Variants in TNRC6A observed in about 807,000 individuals in gnomAD.
The protein encoded by TNRC6A is trinucleotide repeat containing adaptor 6A, also known as trinucleotide repeat-containing gene 6A protein.
A neutral mutation model predicts 221.2 loss-of-function variants in TNRC6A; 44 were observed. That is an observed-to-expected ratio of 0.20 (90% CI 0.16 to 0.26). The LOEUF is 0.26. Ranked by LOEUF, TNRC6A falls within the 10% of genes least tolerant of loss-of-function variation. The pLI is 1.00. For synonymous variants in TNRC6A, 847 were observed against 838.5 expected, an observed-to-expected ratio of 1.01 and a Z score of -0.18; for missense variants, 2,199 against 2,404.4, an observed-to-expected ratio of 0.91 and a Z score of 1.79.
intron 2 of TNRC6A, among the ~76,000 whole-genome samples, chr16:24,716,583 C>T (rs1004290070): frequency 2.0e-5 from 3 of 152,010 alleles, no homozygotes; most frequent in African/African-American, 7.2e-5. Context: ...GCAGAAGGGC[C>T]ATTTGCACCT....
intron 2 of TNRC6A, among the ~76,000 whole-genome samples, chr16:24,702,663 G>A (rs2056009843): frequency 6.6e-6 from 1 of 152,020 alleles, no homozygotes; most frequent in African/African-American, 2.4e-5. Flanking sequence ...TTGAAACCAG[G>A]GGTTCGAGGC....
At chr16:24,646,778 T>C (rs1902313900) in intron 2 of TNRC6A, among the ~76,000 whole-genome samples, 1 of 152,206 alleles carries the variant, frequency 6.6e-6, no homozygotes, top group Non-Finnish European at 1.5e-5. Flanking sequence ...GGCTATTAGT[T>C]GGGTGGTATC....
At chr16:24,812,329 G>A (rs1164937812) in intron 18 of TNRC6A, among the ~76,000 whole-genome samples, 4 of 152,138 alleles carry the variant, frequency 2.6e-5, no homozygotes, top group Non-Finnish European at 5.9e-5. Flanking sequence ...TGAGATTATA[G>A]GCGTTAGCCA....
At chr16:24,750,871 TTACTC>T in intron 3 of TNRC6A, 58 bp downstream of exon 3, 1 of 1,272,862 alleles carries the variant, frequency 7.9e-7, no homozygotes, top group East Asian at 2.8e-5. Flanking sequence ...TAAAAAAAAA[TTACTC>T]TTACAGATTT....
chr16:24,748,815 A>G (rs1219169319), intron 2 of TNRC6A, among the ~76,000 whole-genome samples: 2 of 152,156 alleles, frequency 1.3e-5, no homozygotes, highest in Non-Finnish European at 2.9e-5. Context: ...TCCAGCCTTG[A>G]TAAATAATGT....
At chr16:24,775,083 T>C (rs1010478583) in intron 4 of TNRC6A, among the ~76,000 whole-genome samples, 3 of 152,208 alleles carry the variant, frequency 2.0e-5, no homozygotes, top group African/African-American at 4.8e-5. Context: ...AGAGGTACTT[T>C]AGAATATTCT....
intron 1 of TNRC6A, among the ~76,000 whole-genome samples, chr16:24,617,799 C>T (rs1411691640): frequency 6.6e-6 from 1 of 152,202 alleles, no homozygotes; most frequent in African/African-American, 2.4e-5. Context: ...AGTTCATATC[C>T]ACGGATGAGG....
intron 2 of TNRC6A, among the ~76,000 whole-genome samples, chr16:24,714,199 C>T (rs1166138759): frequency 1.3e-5 from 2 of 151,786 alleles, no homozygotes; most frequent in Non-Finnish European, 2.9e-5. Context: ...GTTCATTTCA[C>T]ATTGGGGCTT....
chr16:24,671,552 G>A (rs1422405167), intron 2 of TNRC6A, among the ~76,000 whole-genome samples: 2 of 152,184 alleles, frequency 1.3e-5, no homozygotes, highest in Non-Finnish European at 2.9e-5. Context: ...TGCAGTTCTC[G>A]CACTGCCTGG....
intron 4 of TNRC6A, among the ~76,000 whole-genome samples, chr16:24,762,249 T>C (rs2057379664): frequency 6.6e-6 from 1 of 152,240 alleles, no homozygotes; most frequent in Non-Finnish European, 1.5e-5. Context: ...ACAGTTATTT[T>C]TTATCAATTC....
intron 1 of TNRC6A, among the ~76,000 whole-genome samples, chr16:24,640,419 A>C (rs1299218902): frequency 1.3e-5 from 2 of 151,608 alleles, no homozygotes; most frequent in Non-Finnish European, 2.9e-5. Context: ...AAAGAAAAAA[A>C]AAAAAGGAAG....
At chr16:24,651,533 CA>C (rs1188698446) in intron 2 of TNRC6A, among the ~76,000 whole-genome samples, 1 of 101,640 alleles carries the variant, frequency 9.8e-6, no homozygotes, top group Non-Finnish European at 1.9e-5. Context: ...AGGAAAACTC[CA>C]TCTCAAAAAA....
intron 2 of TNRC6A, among the ~76,000 whole-genome samples, chr16:24,706,694 A>T (rs1259668412): frequency 6.7e-6 from 1 of 149,520 alleles, no homozygotes; most frequent in Non-Finnish European, 1.5e-5. Context: ...TCTGTCTCAA[A>T]AAAAAAAAAA....
chr16:24,710,747 A>T (rs922982306), intron 2 of TNRC6A, among the ~76,000 whole-genome samples: 10 of 151,624 alleles, frequency 6.6e-5, no homozygotes, highest in African/African-American at 2.4e-4. Flanking sequence ...TTTGAGATGA[A>T]GTCTCACTCT....
chr16:24,809,613 A>C (rs989020832), intron 18 of TNRC6A, 132 bp downstream of exon 18: 8 of 1,186,836 alleles, frequency 6.7e-6, no homozygotes, highest in Non-Finnish European at 8.7e-6. Context: ...TCATTTAAAA[A>C]AAGTTGTTAT....
chr16:24,696,060 GTA>G (rs1481801376), intron 2 of TNRC6A, among the ~76,000 whole-genome samples: 1 of 152,122 alleles, frequency 6.6e-6, no homozygotes, highest in Admixed American at 6.6e-5. Context: ...GTGGTTGAAA[GTA>G]TGAGGGCCGA....
Position 24,805,072 on chromosome 16 carries a change from A to G in TNRC6A, c.4043A>G (p.Gln1348Arg). 1 of 1,614,208 alleles carries G rather than the reference A, an allele frequency of 6.2e-7. No homozygotes were observed. Among genetic ancestry groups the G allele is most frequent in the Non-Finnish European group, 8.5e-7 (1 of 1,180,026 alleles). ...ACAGCAGCACAACCCCGGGGCATGC[A>G]GCAGCCTCCAGCACAACCTCTTAGT... Reference protein sequence around the residue: ...GNTAAQPRGMQQPPAQPLSSS... With the variant: ...GNTAAQPRGMRQPPAQPLSSS... Residue 1348 changes from glutamine (Q) to arginine (R), a missense_variant, in exon 14 of 25, where the codon CAG (glutamine) becomes CGG (arginine). Physicochemically the swap from Gln to Arg is conservative, Grantham distance 43 (BLOSUM62 1). This residue lies in a region of TNRC6A where 449 missense variants were observed against 579.7 expected (regional missense o/e 0.77). Coordinates refer to ENST00000395799, the MANE Select transcript of TNRC6A (RefSeq NM_014494.4).
chr16:24,654,526 G>A (rs1173872806), intron 2 of TNRC6A, among the ~76,000 whole-genome samples: 1 of 152,024 alleles, frequency 6.6e-6, no homozygotes, highest in Non-Finnish European at 1.5e-5. Context: ...CCAACATGGT[G>A]AAACCCCGTC....
intron 2 of TNRC6A, among the ~76,000 whole-genome samples, chr16:24,707,644 CAAAA>C (rs568675432): frequency 2.6e-5 from 4 of 151,832 alleles, no homozygotes; most frequent in African/African-American, 4.8e-5. Context: ...ATGTAGCTCA[CAAAA>C]AAAGAAATAT....
Sources: allele counts gnomAD v4.1 joint callset (sites outside exome capture counted in the v4.1 genomes callset), GRCh38; gene constraint gnomAD v4.1.1; regional missense constraint gnomAD v4.1.1; transcripts MANE v1.5; gene names NCBI Gene and HGNC (gene_info 2026-07-23, HGNC 2026-07-21).